Variants in CAMSAP2 observed in about 807,000 individuals in gnomAD.
CAMSAP2 encodes calmodulin regulated spectrin associated protein family member 2.
In CAMSAP2, 26 loss-of-function variants were observed where a neutral mutation model predicts 146.1. That is an observed-to-expected ratio of 0.18 (90% CI 0.13 to 0.25). The LOEUF (loss-of-function observed/expected upper bound fraction) is 0.25. CAMSAP2 is among the 10% of genes least tolerant of loss of function. The pLI, the probability that CAMSAP2 is intolerant of heterozygous loss-of-function variation, is 1.00. For synonymous variants in CAMSAP2, 499 were observed against 596.6 expected (o/e 0.84, Z 2.38); for missense variants, 1,381 against 1,759.3 (o/e 0.78, Z 3.85).
chr1:200,791,850 CAGTTA>C (rs1665760961), intron 2 of CAMSAP2, among the ~76,000 whole-genome samples: 1 of 152,020 alleles, frequency 6.6e-6, no homozygotes, highest in African/African-American at 2.4e-5. Context: ...CCTGTAATCT[CAGTTA>C]CTCAGGAGGC....
intron 6 of CAMSAP2, among the ~76,000 whole-genome samples, chr1:200,837,693 T>G (rs1667219429): frequency 6.6e-6 from 1 of 152,210 alleles, no homozygotes; most frequent in African/African-American, 2.4e-5. Context: ...TATTGATTCT[T>G]CCTGTCCATG....
In CAMSAP2 at chr1:200,739,420, C is replaced by T. The variant is rs1342543965; in HGVS notation, c.-408C>T. The T allele has an allele frequency of 1.3e-5, 2 of 152,624 alleles. No individual in the cohort carries two copies. Among genetic ancestry groups the T allele is most frequent in the East Asian group, 3.8e-4 (2 of 5,198 alleles). 9.5% of individuals were successfully genotyped at this position (152,624 alleles called of 1,614,324 possible). On this transcript the variant is annotated 5_prime_UTR_variant, in exon 1 of 17. Coordinates refer to ENST00000358823, the MANE Select transcript of CAMSAP2 (RefSeq NM_203459.4). This position sits in a 1 kb window ranked among gnomAD's most constrained non-coding sequence, Gnocchi z 4.8. ...ACAACGTGATTGTTGAAGGCTCCCC[C>T]CATCCCCCCTCCCTTAAAATTCCGG...
intron 8 of CAMSAP2, among the ~76,000 whole-genome samples, chr1:200,846,830 G>C (rs1667470998): frequency 6.6e-6 from 1 of 152,188 alleles, no homozygotes; most frequent in South Asian, 2.1e-4. Flanking sequence ...CAGAGAGGCT[G>C]TCAAGGTATT....
chr1:200,793,202 A>T (rs1258404675), intron 2 of CAMSAP2, among the ~76,000 whole-genome samples: 2 of 152,186 alleles, frequency 1.3e-5, no homozygotes, highest in Non-Finnish European at 2.9e-5. Flanking sequence ...AGTTTTCCTC[A>T]TCTATAGTAA....
chr1:200,853,321 C>T lies in CAMSAP2; in HGVS notation c.3649C>T (p.Arg1217Cys), dbSNP rs749701945. 19 of 1,613,364 alleles carry T rather than the reference C, an allele frequency of 1.2e-5. No homozygotes were observed. The highest frequency in any genetic ancestry group is 1.4e-5 in the Non-Finnish European group (17 of 1,179,908). ...ERQKKEDERA[R>C]REFIRQEYMR... ...TCAGAAGAAAGAAGATGAGAGAGCA[C>T]GCAGAGAATTTATTAGGCAAGAATA... Residue 1217 changes from arginine to cysteine, a missense_variant, in exon 13 of 17, where the codon CGC becomes TGC. Coordinates refer to ENST00000358823, the MANE Select transcript of CAMSAP2 (RefSeq NM_203459.4). The surrounding 1 kb of genome is among the most constrained non-coding windows in gnomAD (Gnocchi z 5.1).
At chr1:200,826,099 C>T (rs777449524) in intron 4 of CAMSAP2, among the ~76,000 whole-genome samples, 1 of 152,078 alleles carries the variant, frequency 6.6e-6, no homozygotes, top group Non-Finnish European at 1.5e-5. Flanking sequence ...ATTCCATCAG[C>T]GATTCGGCAT....
intron 1 of CAMSAP2, among the ~76,000 whole-genome samples, chr1:200,742,025 G>A (rs560668279): frequency 6.6e-6 from 1 of 152,300 alleles, no homozygotes; most frequent in East Asian, 1.9e-4. Context: ...ACTGCTGTTA[G>A]ATACCCAGCA....
chr1:200,817,455 A>G (rs1452749505), intron 4 of CAMSAP2, among the ~76,000 whole-genome samples: 1 of 152,158 alleles, frequency 6.6e-6, no homozygotes. Context: ...ATGATATAGT[A>G]TATCTTACGT....
chr1:200,852,722 T>C, intron 12 of CAMSAP2, 45 bp downstream of exon 12: 4 of 1,564,758 alleles, frequency 2.6e-6, no homozygotes, highest in Non-Finnish European at 3.4e-6. Context: ...ACTTTAATGA[T>C]GCATGGGCAT....
Position 200,832,208 on chromosome 1 carries a change from T to C in CAMSAP2, c.654T>C (p.Tyr218=). The C allele has an allele frequency of 6.2e-7, 1 of 1,605,056 alleles. No individual in the cohort carries two copies. Residue 218 remains tyrosine (Y), a synonymous_variant, in exon 5 of 17, where the codon TAT becomes TAC. Transcript: ENST00000358823. The surrounding 1 kb of genome is among the most constrained non-coding windows in gnomAD (Gnocchi z 4.2). ...TTTTTTTTATATCGTAGGCTCGTTA[T>C]CGGAAAGAGCAAACATTGCTTAAGC... ...VEAPGGQKAR[Y]RKEQTLLKQL...
Position 200,832,913 on chromosome 1 carries a change from A to AAAAGTCATGTACAAAATTGATCTATTGT in CAMSAP2, c.927+68_927+69insAAAGTCATGTACAAAATTGATCTATTGT. 1 of 1,379,862 alleles carries AAAAGTCATGTACAAAATTGATCTATTGT rather than the reference A, an allele frequency of 7.2e-7. No homozygotes were observed. The highest frequency in any genetic ancestry group is 9.8e-7 in the Non-Finnish European group (1 of 1,020,050). 85.5% of individuals were successfully genotyped at this position (1,379,862 alleles called of 1,614,324 possible). On this transcript the variant is annotated intron_variant, in intron 6 of 16. Coordinates refer to ENST00000358823, the MANE Select transcript of CAMSAP2 (RefSeq NM_203459.4). The surrounding 1 kb of genome is among the most constrained non-coding windows in gnomAD (Gnocchi z 4.2). ...ATGTTTTTTTAAAAAACAAACAAAA[A>AAAAGTCATGTACAAAATTGATCTATTGT]CACCGGGAACAGTGGCTCATGCCTG...
rs752833360 is a variant in CAMSAP2, at chr1:200,815,618, A to G, written c.619A>G (p.Thr207Ala). 10 of 1,578,304 alleles carry G rather than the reference A, an allele frequency of 6.3e-6. No homozygotes were observed. The highest frequency in any genetic ancestry group is 1.2e-5 in the South Asian group (1 of 82,236). Residue 207 changes from threonine (T) to alanine (A), a missense_variant, in exon 4 of 17, where the codon ACA becomes GCA. Around this residue, in one of 4 missense-constraint regions of CAMSAP2, gnomAD observed 284 missense variants for 406.9 expected, o/e 0.70. Transcript: ENST00000358823. ...AGAACAAAAACTGAAAGAACATCAC[A>G]CAGTTGAAGCTCCAGGAGGTCAAAA... is the stretch of plus-strand genomic sequence containing the variant. ...EQEQKLKEHHTVEAPGGQKAR... is the reference protein window; with the variant it reads ...EQEQKLKEHHAVEAPGGQKAR...
At chr1:200,827,648 T>G (rs1300286457) in intron 4 of CAMSAP2, among the ~76,000 whole-genome samples, 1 of 141,924 alleles carries the variant, frequency 7.0e-6, no homozygotes, top group Admixed American at 7.2e-5. Flanking sequence ...ATTTTTCTAA[T>G]TCTTAAAGTT....
chr1:200,827,003 G>A (rs767648660), intron 4 of CAMSAP2, among the ~76,000 whole-genome samples: 2 of 152,182 alleles, frequency 1.3e-5, no homozygotes, highest in Non-Finnish European at 2.9e-5. Context: ...TTCAGAAATG[G>A]CGTTATTCTT....
chr1:200,792,144 A>T (rs12022671), intron 2 of CAMSAP2, among the ~76,000 whole-genome samples: 26,185 of 152,120 alleles, frequency 0.17, 2,994 homozygotes, highest in East Asian at 0.35. Context: ...CTTCCATTTA[A>T]TATATTTGAG....
At chr1:200,842,662 G>A (rs550838368) in intron 7 of CAMSAP2, among the ~76,000 whole-genome samples, 2 of 152,090 alleles carry the variant, frequency 1.3e-5, no homozygotes, top group Non-Finnish European at 2.9e-5. Context: ...TTTTCTCTTG[G>A]CTCCCATTAT....
intron 7 of CAMSAP2, 95 bp from the exon 8 acceptor site, chr1:200,844,687 T>G (rs1667416058): frequency 1.7e-6 from 1 of 590,064 alleles, no homozygotes; most frequent in East Asian, 3.1e-5. Flanking sequence ...GAAAGGGAAA[T>G]AGAAGTTAAA....
intron 2 of CAMSAP2, among the ~76,000 whole-genome samples, chr1:200,761,689 C>T (rs922598763): frequency 6.7e-6 from 1 of 148,978 alleles, no homozygotes; most frequent in Admixed American, 6.8e-5. Context: ...AAGCTGAGAT[C>T]ATGCCACTGC....
intron 4 of CAMSAP2, among the ~76,000 whole-genome samples, chr1:200,822,207 T>G (rs116371016): frequency 2.8e-3 from 423 of 151,972 alleles, no homozygotes; most frequent in African/African-American, 9.4e-3. Context: ...CAAAGAAGGT[T>G]GCATATATCA....
Sources: gnomAD v4.1 joint callset for allele counts (sites outside exome capture counted in the v4.1 genomes callset) on GRCh38, gnomAD v4.1.1 for gene constraint, gnomAD v4.1.1 regional missense constraint, Gnocchi (gnomAD v3.1) non-coding constraint, MANE v1.5 for transcripts, NCBI Gene and HGNC (gene_info 2026-07-23, HGNC 2026-07-21) for gene names.